SMG6: variants seen among roughly 807,000 people sequenced by gnomAD.
SMG6 encodes SMG6 nonsense mediated mRNA decay factor, also known as telomerase-binding protein EST1A.
In SMG6, 66 loss-of-function variants were observed where a neutral mutation model predicts 142.2. The observed-to-expected ratio is 0.46, with a 90% CI of 0.38 to 0.57. The LOEUF (loss-of-function observed/expected upper bound fraction) is 0.57, where lower values mean the gene tolerates loss of function less well. Among genes scored for constraint, SMG6 ranks in the 20% least tolerant of loss-of-function variants. The pLI is 0.00. For missense variants in SMG6, 1,793 were observed against 1,832.0 expected, an observed-to-expected ratio of 0.98 and a Z score of 0.39; for synonymous variants, 779 against 702.4, an observed-to-expected ratio of 1.11 and a Z score of -1.72.
At position 2,124,393 on chromosome 17, in the gene SMG6, C is replaced by A. The variant is rs187612047; in HGVS notation, c.3358-38492G>T. 3.5e-4 allele frequency among the ~76,000 whole-genome samples: 53 copies of A among 152,306 alleles called. 1 individual carries two copies. Among genetic ancestry groups the A allele is most frequent in the Non-Finnish European group, 1.5e-5 (1 of 68,022 alleles). On this transcript the variant is annotated intron_variant, in intron 13 of 18. Transcript: ENST00000263073. ...TCTGAATACACAAGTAATATTCTAG[C>A]CTCTTTTCAGGAGAGACTGATGTAG...
intron 12 of SMG6, 66 bp downstream of exon 12, chr17:2,186,597 G>A (rs1263012857): frequency 6.4e-7 from 1 of 1,563,180 alleles, no homozygotes; most frequent in Non-Finnish European, 8.8e-7. Flanking sequence ...AGGATGAAGA[G>A]GGGAGCTGTA....
chr17:2,162,192 CAT>C (rs1013579098), intron 13 of SMG6, among the ~76,000 whole-genome samples: 1 of 152,074 alleles, frequency 6.6e-6, no homozygotes, highest in African/African-American at 2.4e-5. Context: ...CAAAACAAAA[CAT>C]AAAGTTTGAT....
At chr17:2,170,020 C>A (rs2071454889) in intron 13 of SMG6, among the ~76,000 whole-genome samples, 1 of 152,058 alleles carries the variant, frequency 6.6e-6, no homozygotes, top group South Asian at 2.1e-4. Context: ...AAGAATAACC[C>A]CAAGCATTTT....
chr17:2,208,436 T>A (rs2072753257), intron 10 of SMG6, among the ~76,000 whole-genome samples: 1 of 152,192 alleles, frequency 6.6e-6, no homozygotes, highest in Non-Finnish European at 1.5e-5. Flanking sequence ...TTCACCAAGC[T>A]GCCCCACTAG....
intron 9 of SMG6, among the ~76,000 whole-genome samples, chr17:2,238,095 G>T (rs934516285): frequency 6.6e-6 from 1 of 152,188 alleles, no homozygotes; most frequent in Non-Finnish European, 1.5e-5. Context: ...TCCCGACTGG[G>T]AAGTGTCCTC....
intron 13 of SMG6, among the ~76,000 whole-genome samples, chr17:2,134,142 ATCT>A (rs1206143244): frequency 1.3e-5 from 2 of 152,090 alleles, no homozygotes; most frequent in Non-Finnish European, 2.9e-5. Context: ...CTAAGTCTTA[ATCT>A]TCTCAGCTGT....
chr17:2,224,670 G>A (rs2073265962), intron 10 of SMG6, among the ~76,000 whole-genome samples: 2 of 40,638 alleles, frequency 4.9e-5, no homozygotes, highest in Non-Finnish European at 9.0e-5. Flanking sequence ...ATGGGGAGAT[G>A]CAGTCTTTGA....
intron 10 of SMG6, among the ~76,000 whole-genome samples, chr17:2,193,119 T>C (rs1251713343): frequency 6.6e-6 from 1 of 152,196 alleles, no homozygotes; most frequent in Non-Finnish European, 1.5e-5. Context: ...CTGCTGGAGA[T>C]GGGGCCTGGT....
intron 13 of SMG6, among the ~76,000 whole-genome samples, chr17:2,114,696 A>T (rs2069443574): frequency 6.6e-6 from 1 of 152,000 alleles, no homozygotes; most frequent in African/African-American, 2.4e-5. Flanking sequence ...TGGGGGGCCA[A>T]GGCGGGTGGA....
rs1039146213 is a variant in SMG6, at chr17:2,297,989, A to G, written c.1914T>C (p.Asn638=). ...LLDIEFSDNQ[N]VDQILWKNAF... ...CATTCTTCCACAGGATCTGATCCAC[A>G]TTCTGATTATCAGAGAACTCAATAT... The change falls in exon 3 of 19, where the codon AAT becomes AAC. Residue 638 remains asparagine, a synonymous_variant. Transcript: ENST00000263073. The G allele has an allele frequency of 8.7e-6, 14 of 1,613,406 alleles. No individual in the cohort carries two copies. The highest frequency in any genetic ancestry group is 4.0e-5 in the African/African-American group (3 of 75,056).
chr17:2,197,914 A>G (rs2072381717), intron 10 of SMG6, among the ~76,000 whole-genome samples: 1 of 152,250 alleles, frequency 6.6e-6, no homozygotes, highest in African/African-American at 2.4e-5. Context: ...TCTGGAAAAT[A>G]GTTTGGCAGT....
intron 8 of SMG6, among the ~76,000 whole-genome samples, chr17:2,273,212 C>T (rs145509754): frequency 2.2e-4 from 33 of 152,202 alleles, no homozygotes; most frequent in African/African-American, 7.9e-4. Context: ...CAGAAACCCA[C>T]ATAAAACAAG....
chr17:2,280,511 C>A, intron 8 of SMG6: 2 of 745,806 alleles, frequency 2.7e-6, no homozygotes, highest in Non-Finnish European at 3.3e-6. Flanking sequence ...GATCTGCTCG[C>A]CTCGGCCTCC....
At chr17:2,290,770 A>T (rs1018932863) in intron 6 of SMG6, among the ~76,000 whole-genome samples, 17 of 152,260 alleles carry the variant, frequency 1.1e-4, no homozygotes, top group Non-Finnish European at 2.4e-4. Context: ...ACTCAATTTT[A>T]AAAATGGGCA....
chr17:2,169,543 G>A (rs902014808), intron 13 of SMG6, among the ~76,000 whole-genome samples: 1 of 152,146 alleles, frequency 6.6e-6, no homozygotes, highest in Non-Finnish European at 1.5e-5. Context: ...GAGTGCGAGA[G>A]GCACACAGCC....
At chr17:2,285,579 T>A (rs1302667692) in intron 6 of SMG6, among the ~76,000 whole-genome samples, 1 of 152,174 alleles carries the variant, frequency 6.6e-6, no homozygotes, top group Non-Finnish European at 1.5e-5. Context: ...TGGCTCAGGC[T>A]TATAATCCCA....
At chr17:2,212,467 C>T (rs1299995691) in intron 10 of SMG6, 1 of 152,136 alleles carries the variant, frequency 6.6e-6, no homozygotes, top group East Asian at 1.9e-4. Context: ...GTGCTGCTGG[C>T]CCAGTGGCAC....
chr17:2,236,740 CACACACACACACCA>C, intron 9 of SMG6, 103 bp from the exon 10 acceptor site: 1 of 1,063,128 alleles, frequency 9.4e-7, no homozygotes, highest in Non-Finnish European at 1.3e-6. Context: ...CACACACACA[CACACACACACACCA>C]GACAACTACT....
At chr17:2,185,820 C>T (rs539205084) in intron 12 of SMG6, among the ~76,000 whole-genome samples, 5 of 152,188 alleles carry the variant, frequency 3.3e-5, no homozygotes, top group Admixed American at 3.3e-4. Context: ...GGTGAGAAGA[C>T]AGGGCATGAG....
Sources: gnomAD v4.1 joint callset for allele counts (sites outside exome capture counted in the v4.1 genomes callset) on GRCh38, gnomAD v4.1.1 for gene constraint, MANE v1.5 for transcripts, NCBI Gene and HGNC (gene_info 2026-07-23, HGNC 2026-07-21) for gene names.